The following XIRP2 variants were observed in gnomAD, a reference collection of about 807,000 sequenced individuals.
The protein encoded by XIRP2 is xin actin-binding repeat-containing protein 2.
In XIRP2, 236 loss-of-function variants were observed where a neutral mutation model predicts 277.0. The ratio of observed to expected loss-of-function variants is 0.85; its 90% CI spans 0.77 to 0.95. The LOEUF is 0.95. XIRP2 is among the 40% of genes least tolerant of loss of function. The probability of loss-of-function intolerance (pLI) is 0.00; values close to 1 mark genes in which losing one functional copy is unlikely to be tolerated. For missense variants in XIRP2, 4,640 were observed against 4,157.5 expected (o/e 1.12, Z -3.19); for synonymous variants, 1,490 against 1,416.5 (o/e 1.05, Z -1.17).
rs1342907524 is a variant in XIRP2, at chr2:167,123,531, G to A, written c.409-12378G>A. 2.0e-5 allele frequency among the ~76,000 whole-genome samples: 3 copies of A among 151,836 alleles called. No individual in the cohort carries two copies. The East Asian group carries it at 5.9e-4, about 30-fold the overall frequency. On this transcript the variant is annotated intron_variant, in intron 2 of 10. Transcript: ENST00000409195. ...TTGTTTTGTTTTGTTTTGTTTTGCA[G>A]TTTTAGAGGTTAGAAGTCAAGATCA... is the stretch of plus-strand genomic sequence containing the variant.
chr2:166,914,326 G>A (rs888263363), intron 2 of XIRP2, among the ~76,000 whole-genome samples: 1 of 151,964 alleles, frequency 6.6e-6, no homozygotes, highest in African/African-American at 2.4e-5. Context: ...TAATAAATGT[G>A]TGCCATATTT....
intron 2 of XIRP2, among the ~76,000 whole-genome samples, chr2:166,981,933 T>A (rs1686880470): frequency 6.6e-6 from 1 of 152,240 alleles, no homozygotes; most frequent in South Asian, 2.1e-4. Flanking sequence ...ATACTCTTCT[T>A]TCTTTCCTAA....
intron 2 of XIRP2, among the ~76,000 whole-genome samples, chr2:167,025,390 C>G (rs542037398): frequency 2.0e-5 from 3 of 152,116 alleles, no homozygotes; most frequent in Admixed American, 2.0e-4. Context: ...TTTTGTTGAT[C>G]TTTTCAAAAA....
chr2:167,120,473 A>C (rs1691025515), intron 2 of XIRP2, among the ~76,000 whole-genome samples: 1 of 152,160 alleles, frequency 6.6e-6, no homozygotes, highest in Admixed American at 6.5e-5. Flanking sequence ...AAGGCATTTA[A>C]GACATCGTAA....
At chr2:167,140,054 G>A (rs371348232) in intron 3 of XIRP2, among the ~76,000 whole-genome samples, 1 of 136,116 alleles carries the variant, frequency 7.3e-6, no homozygotes, top group African/African-American at 2.7e-5. Context: ...GAAAGTTCAT[G>A]TTGGCAAAAT....
At chr2:166,935,959 C>G (rs187137714) in intron 2 of XIRP2, among the ~76,000 whole-genome samples, 1 of 152,280 alleles carries the variant, frequency 6.6e-6, no homozygotes, top group East Asian at 1.9e-4. Context: ...ACTGATATTT[C>G]TAGTTCTAGA....
At chr2:167,037,513 T>TGG (rs201439550) in intron 2 of XIRP2, among the ~76,000 whole-genome samples, 27 of 136,696 alleles carry the variant, frequency 2.0e-4, no homozygotes, top group Middle Eastern at 3.7e-3. Context: ...TTTTTTCATG[T>TGG]GGGGGGTGTG....
At chr2:167,073,675 A>C (rs187036875) in intron 2 of XIRP2, among the ~76,000 whole-genome samples, 1 of 152,118 alleles carries the variant, frequency 6.6e-6, no homozygotes, top group Non-Finnish European at 1.5e-5. Context: ...AGATAAATTA[A>C]ATTTAGAAAG....
chr2:167,022,512 C>T (rs562320882), intron 2 of XIRP2, among the ~76,000 whole-genome samples: 1 of 151,724 alleles, frequency 6.6e-6, no homozygotes, highest in African/African-American at 2.4e-5. Flanking sequence ...GGTTAGTTAC[C>T]TATGTATACA....
intron 2 of XIRP2, among the ~76,000 whole-genome samples, chr2:166,997,553 G>A (rs1015289047): frequency 1.2e-4 from 18 of 152,098 alleles, no homozygotes; most frequent in African/African-American, 4.3e-4. Context: ...TATTTAAGGT[G>A]AATTTTGTAG....
intron 3 of XIRP2, among the ~76,000 whole-genome samples, chr2:167,157,532 C>T (rs1692235985): frequency 6.6e-6 from 1 of 151,936 alleles, no homozygotes; most frequent in Admixed American, 6.6e-5. Context: ...GGAGGCTACC[C>T]TTTTTCTCCA....
intron 2 of XIRP2, among the ~76,000 whole-genome samples, chr2:167,006,546 CATG>C (rs1419532264): frequency 6.6e-6 from 1 of 151,780 alleles, no homozygotes; most frequent in Non-Finnish European, 1.5e-5. Flanking sequence ...AGCTGCACTG[CATG>C]ATATTACCAT....
rs1306522842 is a variant in XIRP2, at chr2:167,005,858, C to A, written c.408+101968C>A. Among the ~76,000 whole-genome samples, 5 of 151,586 alleles carry A rather than the reference C, an allele frequency of 3.3e-5. No homozygotes were observed. In the East Asian group the frequency reaches 9.7e-4, roughly 29 times the overall value. ...TTACAAAGGGCTTAAAAATTCTTGA[C>A]AACCTTCTGGATCAGAATCTGACCA... On this transcript the variant is annotated intron_variant, in intron 2 of 10. Transcript: ENST00000409195.
chr2:167,102,253 A>G (rs1224878203), intron 2 of XIRP2, among the ~76,000 whole-genome samples: 1 of 152,204 alleles, frequency 6.6e-6, no homozygotes, highest in East Asian at 1.9e-4. Flanking sequence ...GGCGCATTTC[A>G]AAGGGTAGAT....
chr2:167,127,852 A>G (rs1443661681), intron 2 of XIRP2, among the ~76,000 whole-genome samples: 1 of 152,198 alleles, frequency 6.6e-6, no homozygotes, highest in Admixed American at 6.5e-5. Flanking sequence ...TTATGCATGA[A>G]ATTAACATAG....
At chr2:167,122,975 G>T (rs535650635) in intron 2 of XIRP2, among the ~76,000 whole-genome samples, 2 of 152,178 alleles carry the variant, frequency 1.3e-5, no homozygotes, top group South Asian at 4.2e-4. Context: ...GCTTGCATTT[G>T]TTTCACCTGA....
chr2:167,002,084 C>T (rs1431003557), intron 2 of XIRP2, among the ~76,000 whole-genome samples: 4 of 152,088 alleles, frequency 2.6e-5, no homozygotes, highest in Non-Finnish European at 1.5e-5. Context: ...GAGAGCTATA[C>T]AAATAATTCT....
At chr2:166,963,738 A>G (rs1473523726) in intron 2 of XIRP2, among the ~76,000 whole-genome samples, 1 of 151,880 alleles carries the variant, frequency 6.6e-6, no homozygotes, top group African/African-American at 2.4e-5. Flanking sequence ...GAGCACTCAT[A>G]GCATGGGAAT....
chr2:166,972,702 C>T (rs1375846622), intron 2 of XIRP2, among the ~76,000 whole-genome samples: 3 of 152,152 alleles, frequency 2.0e-5, no homozygotes, highest in Non-Finnish European at 4.4e-5. Context: ...GGAATTTATA[C>T]AGTCAGAAGA....
Sources: gnomAD v4.1 joint callset for allele counts (sites outside exome capture counted in the v4.1 genomes callset) on GRCh38, gnomAD v4.1.1 for gene constraint, MANE v1.5 for transcripts, NCBI Gene and HGNC (gene_info 2026-07-23, HGNC 2026-07-21) for gene names.